The following SLC37A1 variants were observed in gnomAD, a reference collection of about 807,000 sequenced individuals.
SLC37A1 encodes the protein solute carrier family 37 member 1, also known as glucose-6-phosphate exchanger SLC37A1.
Under a neutral mutation model 75.3 loss-of-function variants are expected in SLC37A1, and 49 were observed. The observed-to-expected ratio is 0.65, with a 90% CI of 0.52 to 0.83. The LOEUF is 0.83. Ranked by LOEUF, SLC37A1 falls within the 40% of genes least tolerant of loss-of-function variation. The pLI, the probability that SLC37A1 is intolerant of heterozygous loss-of-function variation, is 0.00. For synonymous variants in SLC37A1, 268 were observed against 292.1 expected (o/e 0.92, Z 0.84); for missense variants, 566 against 695.0 (o/e 0.81, Z 2.09).
intron 1 of SLC37A1, among the ~76,000 whole-genome samples, chr21:42,501,040 G>A (rs1263735899): frequency 6.6e-6 from 1 of 152,244 alleles, no homozygotes; most frequent in African/African-American, 2.4e-5. Context: ...GGACACCAGT[G>A]TGGAGACGAG....
Position 42,563,836 on chromosome 21 carries a change from C to T in SLC37A1, c.1094C>T (p.Ala365Val), listed in dbSNP as rs1370328583. ...ATAGATCACCTTGATGCCAAAAAGG[C>T]GGGGGAGCTCTCCACCCTGTTTGAC... is the stretch of plus-strand genomic sequence containing the variant. ...TNVDHLDAKK[A>V]GELSTLFDVG... Residue 365 changes from alanine to valine, a missense_variant, in exon 13 of 20, where the codon GCG (alanine) becomes GTG (valine). By Grantham distance (64) the Ala-to-Val change is moderately conservative. Transcript: ENST00000352133. 1.9e-6 allele frequency: 3 copies of T among 1,614,040 alleles called. No homozygotes were observed. The highest frequency in any genetic ancestry group is 1.7e-5 in the Admixed American group (1 of 59,998).
At chr21:42,567,731 A>G (rs2056016058) in intron 16 of SLC37A1, among the ~76,000 whole-genome samples, 1 of 152,130 alleles carries the variant, frequency 6.6e-6, no homozygotes. Flanking sequence ...TTAGGCTTCT[A>G]GGCACTGTTT....
chr21:42,521,055 G>A (rs1480252752), intron 2 of SLC37A1, among the ~76,000 whole-genome samples: 2 of 152,208 alleles, frequency 1.3e-5, no homozygotes, highest in African/African-American at 4.8e-5. Context: ...GCGGGGATGT[G>A]GAGCCGCTGC....
At chr21:42,517,861 G>T (rs932512086) in intron 1 of SLC37A1, among the ~76,000 whole-genome samples, 2 of 152,168 alleles carry the variant, frequency 1.3e-5, no homozygotes, top group Admixed American at 1.3e-4. Flanking sequence ...TGTCACTACG[G>T]TTCAAAGGTG....
rs2055332009 is a variant in SLC37A1, at chr21:42,543,471, C to T, written c.599C>T (p.Thr200Ile). The change falls in exon 8 of 20, where the codon ACC (threonine) becomes ATC (isoleucine). Residue 200 changes from threonine (T) to isoleucine (I), a missense_variant. Transcript: ENST00000352133. ...GLIMGVWNSH[T>I]SVGNILGSLI... ...ATTATGGGGGTCTGGAACTCCCACA[C>T]CTCCGTGGGCAACATCTTGGGGTCA... is the stretch of plus-strand genomic sequence containing the variant. 6.2e-7 allele frequency: 1 copy of T among 1,614,194 alleles called. No homozygotes were observed. Among genetic ancestry groups the T allele is most frequent in the Non-Finnish European group, 8.5e-7 (1 of 1,180,034 alleles).
rs1389798230 is a variant in SLC37A1, at chr21:42,565,832, C to T, written c.1227C>T (p.Tyr409=). The change falls in exon 15 of 20, where the codon TAC becomes TAT. Residue 409 remains tyrosine, a synonymous_variant. Coordinates refer to ENST00000352133, the MANE Select transcript of SLC37A1 (RefSeq NM_001320537.2). ...TTGTGTCTTGATGTCCACAGCTCTA[C>T]ATCTTCTCCACCGTCAGCAAGATGG... ...LMLLLAAPTL[Y]IFSTVSKMGL... is the part of the protein sequence containing the mutation. The T allele has an allele frequency of 6.2e-7, 1 of 1,614,086 alleles. No individual in the cohort carries two copies. The highest frequency in any genetic ancestry group is 8.5e-7 in the Non-Finnish European group (1 of 1,179,942).
intron 1 of SLC37A1, among the ~76,000 whole-genome samples, chr21:42,517,137 T>G (rs8129380): frequency 0.059 from 9,025 of 152,278 alleles, 885 homozygotes; most frequent in African/African-American, 0.21. Flanking sequence ...AGCTAGTGTT[T>G]GTTGCGCATT....
At chr21:42,540,856 G>A (rs2055262196) in intron 6 of SLC37A1, among the ~76,000 whole-genome samples, 1 of 152,230 alleles carries the variant, frequency 6.6e-6, no homozygotes, top group South Asian at 2.1e-4. Flanking sequence ...CACTTGTGTA[G>A]TAATATAGAA....
At chr21:42,507,377 G>C (rs761321411) in intron 2 of SLC37A1, among the ~76,000 whole-genome samples, 1 of 152,208 alleles carries the variant, frequency 6.6e-6, no homozygotes, top group African/African-American at 2.4e-5. Flanking sequence ...AGTGTAGGCT[G>C]TGAGGGGGAC....
rs185966196 is a variant in SLC37A1 at position 42,564,792 on chromosome 21, C to T, written c.1220C>T (p.Thr407Met). 7.5e-6 allele frequency: 12 copies of T among 1,604,102 alleles called. No individual in the cohort carries two copies. Among genetic ancestry groups the T allele is most frequent in the Middle Eastern group, 1.7e-4 (1 of 6,054 alleles). The change falls in exon 14 of 20, where the codon ACG (threonine) becomes ATG (methionine). Residue 407 changes from threonine to methionine, a missense_variant and splice_region_variant. Coordinates refer to ENST00000352133, the MANE Select transcript of SLC37A1 (RefSeq NM_001320537.2). ...CGLMLLLAAP[T>M]LYIFSTVSKM... ...CTGATGCTGCTGCTCGCGGCCCCCA[C>T]GGTCAGCCGTGCTGCCTTCCCTGGG...
Position 42,518,403 on chromosome 21 carries a change from T to A in SLC37A1, c.-52T>A. 1 of 1,610,534 alleles carries A rather than the reference T, an allele frequency of 6.2e-7. No individual in the cohort carries two copies. The highest frequency in any genetic ancestry group is 8.5e-7 in the Non-Finnish European group (1 of 1,176,896). On this transcript the variant is annotated 5_prime_UTR_variant, in exon 2 of 20. Coordinates refer to ENST00000352133, the MANE Select transcript of SLC37A1 (RefSeq NM_001320537.2). Reference sequence around the variant, plus strand: ...TCTGGAGCCAGGATTAATGACTCATTTATGAAGCATCTTATTCTGCGACCG... The same window carrying A: ...TCTGGAGCCAGGATTAATGACTCATATATGAAGCATCTTATTCTGCGACCG...
Position 42,548,871 on chromosome 21 carries a change from AG to A in SLC37A1, c.768+1737del, listed in dbSNP as rs565890261. On this transcript the variant is annotated intron_variant, in intron 9 of 19. Coordinates refer to ENST00000352133, the MANE Select transcript of SLC37A1 (RefSeq NM_001320537.2). The surrounding 1 kb of genome is among the most constrained non-coding windows in gnomAD (Gnocchi z 5.6). ...GGGGCAGCACCTGGCCTCGTGCGGG[AG>A]GGGGGCCAGAGTCCTTTTTCTGTCT... is the stretch of plus-strand genomic sequence containing the variant. Among the ~76,000 whole-genome samples the A allele has an allele frequency of 5.9e-5, 9 of 152,084 alleles. No individual in the cohort carries two copies. The South Asian group carries it at 1.9e-3, about 32-fold the overall frequency.
chr21:42,530,656 C>CACACACACACACACACACACACACA (rs1568997149), intron 3 of SLC37A1, among the ~76,000 whole-genome samples: 1 of 23,472 alleles, frequency 4.3e-5, no homozygotes, highest in African/African-American at 1.4e-4. Flanking sequence ...ACACACACAC[C>CACACACACACACACACACACACACA]CCCTCTGTGT....
intron 9 of SLC37A1, among the ~76,000 whole-genome samples, chr21:42,551,569 T>G (rs1321493073): frequency 6.6e-6 from 1 of 152,256 alleles, no homozygotes; most frequent in Non-Finnish European, 1.5e-5. Context: ...TTGTGAACAT[T>G]AAATGAGTGA....
At chr21:42,564,485 T>C (rs2055921203) in intron 13 of SLC37A1, among the ~76,000 whole-genome samples, 5 of 152,164 alleles carry the variant, frequency 3.3e-5, no homozygotes, top group Admixed American at 3.3e-4. Flanking sequence ...GAGGCTGGCC[T>C]AAAACCTGAA....
At chr21:42,568,496 A>C in intron 17 of SLC37A1, 58 bp downstream of exon 17, 1 of 1,527,748 alleles carries the variant, frequency 6.5e-7, no homozygotes, top group Non-Finnish European at 9.0e-7. Context: ...TCACATTGTC[A>C]CATGCTCGTG....
intron 16 of SLC37A1, 78 bp from the exon 17 acceptor site, chr21:42,568,282 G>A: frequency 8.7e-7 from 1 of 1,155,248 alleles, no homozygotes; most frequent in Non-Finnish European, 1.3e-6. Flanking sequence ...AGCAGTTTGA[G>A]TAAATGGTCA....
intron 7 of SLC37A1, 83 bp from the exon 8 acceptor site, chr21:42,543,353 G>A (rs1227103659): frequency 1.3e-6 from 2 of 1,523,748 alleles, no homozygotes; most frequent in Non-Finnish European, 1.8e-6. Flanking sequence ...TCCCTACTTT[G>A]CAGGCACTGC....
At chr21:42,506,408 T>A (rs2054384587) in intron 2 of SLC37A1, among the ~76,000 whole-genome samples, 1 of 152,224 alleles carries the variant, frequency 6.6e-6, no homozygotes, top group Non-Finnish European at 1.5e-5. Context: ...AATCCTAGAC[T>A]TTTTACATAT....
Sources: gnomAD v4.1 joint callset for allele counts (sites outside exome capture counted in the v4.1 genomes callset) on GRCh38, gnomAD v4.1.1 for gene constraint, Gnocchi (gnomAD v3.1) non-coding constraint, MANE v1.5 for transcripts, NCBI Gene and HGNC (gene_info 2026-07-23, HGNC 2026-07-21) for gene names.